CDH13: variants seen among roughly 807,000 people sequenced by gnomAD.
The protein encoded by CDH13 is cadherin 13.
CDH13 carries 24 observed loss-of-function variants against 63.8 expected under a neutral mutation model. The ratio of observed to expected loss-of-function variants is 0.38; its 90% CI spans 0.27 to 0.53. The LOEUF (loss-of-function observed/expected upper bound fraction) is 0.53, where lower values mean the gene tolerates loss of function less well. Ranked by LOEUF, CDH13 falls within the 20% of genes least tolerant of loss-of-function variation. CDH13 has a pLI of 0.85. For synonymous variants in CDH13, 503 were observed against 355.3 expected (o/e 1.42, Z -4.67); for missense variants, 1,049 against 903.1 (o/e 1.16, Z -2.07).
intron 2 of CDH13, among the ~76,000 whole-genome samples, chr16:82,881,119 T>A (rs1481512714): frequency 6.6e-6 from 1 of 152,170 alleles, no homozygotes; most frequent in Non-Finnish European, 1.5e-5. Context: ...TGTTGTGTAA[T>A]ATGTATGGAA....
At chr16:83,687,721 C>G in intron 10 of CDH13, among the ~76,000 whole-genome samples, 1 of 152,198 alleles carries the variant, frequency 6.6e-6, no homozygotes, top group East Asian at 1.9e-4. Flanking sequence ...GGAAGGGTAG[C>G]CAGTGCTAGC....
At chr16:83,583,739 C>G (rs1458028496) in intron 7 of CDH13, among the ~76,000 whole-genome samples, 2 of 151,152 alleles carry the variant, frequency 1.3e-5, no homozygotes, top group East Asian at 3.9e-4. Context: ...GAAACTCCAT[C>G]TCTACTAAAA....
rs147913571 is a variant in CDH13 at position 82,986,290 on chromosome 16, C to T, written c.158-45720C>T. 3.9e-3 allele frequency among the ~76,000 whole-genome samples: 594 copies of T among 152,264 alleles called. 1 individual carries two copies. Among genetic ancestry groups the T allele is most frequent in the Non-Finnish European group, 7.3e-3 (497 of 68,024 alleles). On this transcript the variant is annotated intron_variant, in intron 2 of 13. Transcript: ENST00000567109. Reference sequence around the variant, plus strand: ...CAACCAGAGTGAGCCCCAGAACTGGCTCATGTGGAGGTCAGTGACAAACCT... The same window carrying T: ...CAACCAGAGTGAGCCCCAGAACTGGTTCATGTGGAGGTCAGTGACAAACCT...
intron 1 of CDH13, among the ~76,000 whole-genome samples, chr16:82,750,345 A>T (rs893286734): frequency 6.6e-6 from 1 of 152,166 alleles, no homozygotes; most frequent in Non-Finnish European, 1.5e-5. Flanking sequence ...TGGAAAGTCA[A>T]CCTCAGAGCA....
Position 83,612,719 on chromosome 16 carries a change from A to G in CDH13, c.1101+10125A>G, listed in dbSNP as rs146039852. ...AGTGGGTTCTGAGAAATTGCAATAT[A>G]TATTCTCAACTTTTGGACTCTAACA... On this transcript the variant is annotated intron_variant, in intron 8 of 13. Transcript: ENST00000567109. 1.3e-3 allele frequency among the ~76,000 whole-genome samples: 201 copies of G among 152,174 alleles called. 2 individuals are homozygous for G. The highest frequency in any genetic ancestry group is 4.5e-3 in the African/African-American group (187 of 41,574).
chr16:82,687,938 C>G (rs1915248591), intron 1 of CDH13, among the ~76,000 whole-genome samples: 1 of 152,138 alleles, frequency 6.6e-6, no homozygotes, highest in South Asian at 2.1e-4. Flanking sequence ...CTCAGACATG[C>G]TTGGGACCGC....
intron 2 of CDH13, among the ~76,000 whole-genome samples, chr16:82,956,527 G>T (rs1228464353): frequency 3.9e-5 from 6 of 152,096 alleles, no homozygotes; most frequent in African/African-American, 1.4e-4. Context: ...TTATTTTCAA[G>T]CTCAGGTATA....
At chr16:83,776,185 A>C (rs546587412) in intron 11 of CDH13, among the ~76,000 whole-genome samples, 1 of 152,352 alleles carries the variant, frequency 6.6e-6, no homozygotes, top group African/African-American at 2.4e-5. Context: ...ACTTAAGTTC[A>C]CAAAAGGCCA....
intron 5 of CDH13, among the ~76,000 whole-genome samples, chr16:83,329,555 A>G (rs2090438723): frequency 6.6e-6 from 1 of 152,176 alleles, no homozygotes; most frequent in Non-Finnish European, 1.5e-5. Context: ...AAAAACACAC[A>G]TAAAATCGAT....
At chr16:82,931,662 C>G (rs1309208184) in intron 2 of CDH13, among the ~76,000 whole-genome samples, 1 of 151,964 alleles carries the variant, frequency 6.6e-6, no homozygotes, top group Non-Finnish European at 1.5e-5. Context: ...GCTGGGGAGG[C>G]CTCACAATCA....
intron 2 of CDH13, 68 bp downstream of exon 2, chr16:82,858,541 G>A (rs1206161818): frequency 8.2e-6 from 8 of 981,162 alleles, no homozygotes; most frequent in Non-Finnish European, 1.3e-5. Flanking sequence ...GTTTATGACT[G>A]TGTCTCAGGA....
intron 6 of CDH13, among the ~76,000 whole-genome samples, chr16:83,470,643 A>C (rs1598095022): frequency 6.6e-6 from 1 of 151,944 alleles, no homozygotes; most frequent in Non-Finnish European, 1.5e-5. Context: ...TGATTCTTCT[A>C]CCCCTTCTGC....
At chr16:83,073,309 TG>T (rs2032575092) in intron 3 of CDH13, among the ~76,000 whole-genome samples, 1 of 148,356 alleles carries the variant, frequency 6.7e-6, no homozygotes, top group African/African-American at 2.5e-5. Flanking sequence ...GCTCTCTCTT[TG>T]GGGTGTGTGT....
chr16:82,948,129 C>G (rs1470000803), intron 2 of CDH13, among the ~76,000 whole-genome samples: 1 of 152,134 alleles, frequency 6.6e-6, no homozygotes, highest in African/African-American at 2.4e-5. Context: ...CGTTATTCTT[C>G]TATCAAAACA....
At chr16:83,005,534 G>A (rs1045063088) in intron 2 of CDH13, among the ~76,000 whole-genome samples, 1 of 151,982 alleles carries the variant, frequency 6.6e-6, no homozygotes, top group East Asian at 1.9e-4. Context: ...GTAGAGCTTT[G>A]AGCAGTGTTT....
At chr16:83,144,737 A>C (rs1426899715) in intron 4 of CDH13, among the ~76,000 whole-genome samples, 1 of 152,226 alleles carries the variant, frequency 6.6e-6, no homozygotes, top group Non-Finnish European at 1.5e-5. Context: ...CAACTGTCAG[A>C]ATGAGTTCAT....
chr16:83,723,571 A>G (rs551521543), intron 10 of CDH13, among the ~76,000 whole-genome samples: 1 of 152,130 alleles, frequency 6.6e-6, no homozygotes, highest in Non-Finnish European at 1.5e-5. Flanking sequence ...TTCCCTGATC[A>G]CCTTCGCTAA....
At chr16:83,456,841 A>C (rs2073037337) in intron 6 of CDH13, among the ~76,000 whole-genome samples, 1 of 152,188 alleles carries the variant, frequency 6.6e-6, no homozygotes, top group Admixed American at 6.5e-5. Flanking sequence ...ACACACCTGT[A>C]ATCCCAGCTA....
chr16:83,511,069 C>G (rs991476611), intron 7 of CDH13, among the ~76,000 whole-genome samples: 6 of 69,192 alleles, frequency 8.7e-5, no homozygotes, highest in African/African-American at 1.5e-4. Context: ...CAGACACGCA[C>G]ACACATGCAC....
Sources: gnomAD v4.1 joint callset for allele counts (sites outside exome capture counted in the v4.1 genomes callset) on GRCh38, gnomAD v4.1.1 for gene constraint, MANE v1.5 for transcripts, NCBI Gene and HGNC (gene_info 2026-07-23, HGNC 2026-07-21) for gene names.